Variants in WDR4 observed in about 807,000 individuals in gnomAD.
The protein encoded by WDR4 is WDR4 tRNA N7-guanosine methyltransferase non-catalytic subunit, also known as tRNA (guanine-N(7)-)-methyltransferase non-catalytic subunit WDR4.
Under a neutral mutation model 48.6 loss-of-function variants are expected in WDR4, and 47 were observed. The observed-to-expected ratio is 0.97, with a 90% CI of 0.77 to 1.23. The LOEUF (loss-of-function observed/expected upper bound fraction) is 1.23. WDR4 is among the 50% of genes most tolerant of loss of function. The probability of loss-of-function intolerance (pLI) is 0.00; values close to 1 mark genes in which losing one functional copy is unlikely to be tolerated. For synonymous variants in WDR4, 268 were observed against 230.0 expected, an observed-to-expected ratio of 1.17 and a Z score of -1.49; for missense variants, 606 against 551.6, an observed-to-expected ratio of 1.10 and a Z score of -0.99.
At chr21:42,845,796 C>G (rs1299200822), downstream of WDR4, among the ~76,000 whole-genome samples, 2 of 152,204 alleles carry the variant, frequency 1.3e-5, no homozygotes, top group Non-Finnish European at 1.5e-5. Context: ...AGCAATTCCA[C>G]GCGCAAGTAC....
chr21:42,877,441 C>A (rs920441308), intron 1 of WDR4, among the ~76,000 whole-genome samples: 3 of 149,932 alleles, frequency 2.0e-5, no homozygotes, highest in Admixed American at 1.3e-4. Context: ...CTGCGCCCAG[C>A]CTAACAATGA....
At chr21:42,879,795 G>A, upstream of WDR4, 1 of 424,934 alleles carries the variant, frequency 2.4e-6, no homozygotes, top group South Asian at 7.1e-5. Flanking sequence ...AGACGGGGTA[G>A]GGCTGGTTCT....
At chr21:42,866,065 C>T (rs1420278683) in intron 3 of WDR4, among the ~76,000 whole-genome samples, 1 of 152,164 alleles carries the variant, frequency 6.6e-6, no homozygotes, top group Admixed American at 6.5e-5. Flanking sequence ...CACGTGCTGC[C>T]GTGGCTCTCA....
At chr21:42,871,764 T>C (rs904155139) in intron 3 of WDR4, among the ~76,000 whole-genome samples, 3 of 152,374 alleles carry the variant, frequency 2.0e-5, no homozygotes. Context: ...TTTAATTTTG[T>C]TGTGTTTTAA....
intron 3 of WDR4, among the ~76,000 whole-genome samples, chr21:42,866,067 T>G (rs1230095114): frequency 6.6e-6 from 1 of 152,176 alleles, no homozygotes; most frequent in East Asian, 1.9e-4. Flanking sequence ...CGTGCTGCCG[T>G]GGCTCTCACA....
At chr21:42,845,345 T>C (rs1412927452), downstream of WDR4, among the ~76,000 whole-genome samples, 1 of 150,940 alleles carries the variant, frequency 6.6e-6, no homozygotes. Flanking sequence ...GTAAAACGTA[T>C]CACGTCAACA....
Position 42,850,000 on chromosome 21 carries a change from TA to T in WDR4, c.*48del, listed in dbSNP as rs750761915. On this transcript the variant is annotated 3_prime_UTR_variant, in exon 11 of 11. Coordinates refer to ENST00000398208, the MANE Select transcript of WDR4 (RefSeq NM_018669.6). ...CATGCCAGGATGCAGGGGAACAAGT[TA>T]AAAAGCTTTTCCTAATTTGAGGTGA... 10 of 1,601,778 alleles carry T rather than the reference TA, an allele frequency of 6.2e-6. No homozygotes were observed. In the Admixed American group the frequency reaches 1.6e-4, roughly 26 times the overall value.
chr21:42,858,016 C>T (rs768597629), intron 6 of WDR4, among the ~76,000 whole-genome samples: 9 of 151,988 alleles, frequency 5.9e-5, no homozygotes, highest in Non-Finnish European at 1.0e-4. Context: ...TGCTTGAGCC[C>T]GGGAGGCAGA....
intron 3 of WDR4, among the ~76,000 whole-genome samples, chr21:42,868,631 C>T (rs2058302269): frequency 6.6e-6 from 1 of 152,236 alleles, no homozygotes; most frequent in Admixed American, 6.5e-5. Flanking sequence ...GCCTCATCTC[C>T]AAGAGTAGGG....
intron 2 of WDR4, among the ~76,000 whole-genome samples, chr21:42,875,708 A>AAAT (rs750858219): frequency 6.6e-6 from 1 of 152,330 alleles, no homozygotes; most frequent in African/African-American, 2.4e-5. Flanking sequence ...CTGTCTCAAA[A>AAAT]AATAATAATA....
downstream of WDR4, among the ~76,000 whole-genome samples, chr21:42,845,060 C>T (rs538035491): frequency 6.6e-5 from 10 of 152,302 alleles, no homozygotes; most frequent in Admixed American, 3.3e-4. Context: ...GCACTGGGCA[C>T]GGAGAGGCAA....
chr21:42,853,914 C>T (rs1403901179), intron 8 of WDR4, among the ~76,000 whole-genome samples, 162 bp from the exon 9 acceptor site: 2 of 152,204 alleles, frequency 1.3e-5, no homozygotes, highest in African/African-American at 4.8e-5. Flanking sequence ...GCCGGGGAAA[C>T]CATGGGGTGA....
chr21:42,852,737 G>T (rs997355187), intron 9 of WDR4, among the ~76,000 whole-genome samples: 1 of 152,168 alleles, frequency 6.6e-6, no homozygotes, highest in Non-Finnish European at 1.5e-5. Context: ...CCAACATGGA[G>T]AAACCCCGTC....
At position 42,855,869 on chromosome 21, in the gene WDR4, T is replaced by C. The variant is rs465663; in HGVS notation, c.628-89A>G. 0.36 allele frequency: 377,446 copies of C among 1,061,874 alleles called. 72,356 individuals are homozygous for C. The highest frequency in any genetic ancestry group is 0.72 in the African/African-American group (45,803 of 63,624). 65.8% of individuals were successfully genotyped at this position (1,061,874 alleles called of 1,614,324 possible). A position where few individuals can be genotyped will look rare whatever the true frequency, so the allele number is the denominator to read the frequency against. On this transcript the variant is annotated intron_variant, in intron 6 of 10. Coordinates refer to ENST00000398208, the MANE Select transcript of WDR4 (RefSeq NM_018669.6). Reference sequence around the variant, plus strand: ...AGAGGACAGCTGCGTGTGGTCGGGGTTCCACTCCGTGACAGCCATGCCACC... The same window carrying C: ...AGAGGACAGCTGCGTGTGGTCGGGGCTCCACTCCGTGACAGCCATGCCACC...
chr21:42,862,413 G>A lies in WDR4; in HGVS notation c.454-19C>T. ...TCACAGCCTGCATCACCAGGGGCCA[G>A]AAAAGAAAAAGCCGCTCACCTGAGT... On this transcript the variant is annotated intron_variant, in intron 4 of 10. Coordinates refer to ENST00000398208, the MANE Select transcript of WDR4 (RefSeq NM_018669.6). The surrounding 1 kb of genome is among the most constrained non-coding windows in gnomAD (Gnocchi z 4.3). 2 of 1,581,448 alleles carry A rather than the reference G, an allele frequency of 1.3e-6. No individual in the cohort carries two copies. Among genetic ancestry groups the A allele is most frequent in the Admixed American group, 1.8e-5 (1 of 55,500 alleles).
At chr21:42,875,084 C>T (rs1446100937) in intron 2 of WDR4, among the ~76,000 whole-genome samples, 3 of 152,060 alleles carry the variant, frequency 2.0e-5, no homozygotes, top group African/African-American at 7.2e-5. Flanking sequence ...AACCGGCCGA[C>T]GCTTAGGGAA....
chr21:42,878,721 G>A (rs1443918518), intron 1 of WDR4, among the ~76,000 whole-genome samples: 1 of 152,140 alleles, frequency 6.6e-6, no homozygotes, highest in Non-Finnish European at 1.5e-5. Flanking sequence ...CCCCTGCGTC[G>A]TCCTAGCACT....
At chr21:42,869,884 A>G (rs1188084555) in intron 3 of WDR4, among the ~76,000 whole-genome samples, 1 of 151,932 alleles carries the variant, frequency 6.6e-6, no homozygotes, top group African/African-American at 2.4e-5. Flanking sequence ...GTGGTGGTGC[A>G]TGCCTGTAAT....
In WDR4 at chr21:42,843,896, G is replaced by T. The variant is rs563443247; in HGVS notation, c.*9-615C>A. On this transcript the variant is annotated intron_variant, in intron 11 of 11. Coordinates refer to the WDR4 transcript ENST00000330317. ...TTTAAAGATGAGGTCTCACTGTATTGCCCAGGCTAGTCTCAAACTCCTGGG... is the reference window on the plus strand; with the variant it reads ...TTTAAAGATGAGGTCTCACTGTATTTCCCAGGCTAGTCTCAAACTCCTGGG... 2.0e-5 allele frequency among the ~76,000 whole-genome samples: 3 copies of T among 152,196 alleles called. No individual in the cohort carries two copies. In the East Asian group the frequency reaches 5.8e-4, roughly 29 times the overall value.
Sources: allele counts gnomAD v4.1 joint callset (sites outside exome capture counted in the v4.1 genomes callset), GRCh38; gene constraint gnomAD v4.1.1; non-coding constraint Gnocchi (gnomAD v3.1); transcripts MANE v1.5; gene names NCBI Gene and HGNC (gene_info 2026-07-23, HGNC 2026-07-21).